Variants in SASH1 observed in about 807,000 individuals in gnomAD.
SASH1 encodes the protein SAM and SH3 domain containing 1, also known as SAM and SH3 domain-containing protein 1.
In SASH1, 44 loss-of-function variants were observed where a neutral mutation model predicts 125.2. That is an observed-to-expected ratio of 0.35 (90% CI 0.28 to 0.45). The LOEUF (loss-of-function observed/expected upper bound fraction) is 0.45. Among genes scored for constraint, SASH1 ranks in the 20% least tolerant of loss-of-function variants. The pLI is 1.00. For synonymous variants in SASH1, 639 were observed against 649.1 expected (o/e 0.98, Z 0.24); for missense variants, 1,426 against 1,614.5 (o/e 0.88, Z 2.00).
intron 4 of SASH1, among the ~76,000 whole-genome samples, chr6:148,449,084 T>TTTTTTTTTTTTC (rs1776961479): frequency 2.3e-5 from 1 of 42,736 alleles, no homozygotes; most frequent in African/African-American, 1.2e-4. Flanking sequence ...ATTTCTTTTT[T>TTTTTTTTTTTTC]TTTTTTTTTG....
At chr6:148,221,985 C>T in the SASH1 span, among the ~76,000 whole-genome samples, 1 of 152,118 alleles carries the variant, frequency 6.6e-6, no homozygotes, top group Non-Finnish European at 1.5e-5. Flanking sequence ...TTTTCACTAC[C>T]CATAAAATAA....
At chr6:148,425,348 T>A (rs1775768418) in intron 2 of SASH1, among the ~76,000 whole-genome samples, 1 of 152,212 alleles carries the variant, frequency 6.6e-6, no homozygotes, top group Non-Finnish European at 1.5e-5. Context: ...TGCTTTTACA[T>A]TCTTGAAATA....
chr6:148,366,553 T>A (rs1055699754), intron 1 of SASH1, among the ~76,000 whole-genome samples: 3 of 152,096 alleles, frequency 2.0e-5, no homozygotes, highest in Non-Finnish European at 4.4e-5. Context: ...GGGCCTGAAT[T>A]TTGTCATTTG....
intron 1 of SASH1, among the ~76,000 whole-genome samples, chr6:148,292,458 T>C (rs1027750645): frequency 2.0e-5 from 3 of 152,122 alleles, no homozygotes; most frequent in Non-Finnish European, 4.4e-5. Context: ...TTATTACAGA[T>C]ATTAGCAACA....
the SASH1 span, among the ~76,000 whole-genome samples, chr6:148,236,459 G>A: frequency 6.6e-6 from 1 of 152,090 alleles, no homozygotes; most frequent in African/African-American, 2.4e-5. Context: ...TGATCCACCT[G>A]TCTCAGCCTC....
At chr6:148,368,715 T>A (rs1435192680) in intron 1 of SASH1, among the ~76,000 whole-genome samples, 2 of 131,596 alleles carry the variant, frequency 1.5e-5, no homozygotes, top group Non-Finnish European at 3.4e-5. Flanking sequence ...TAAATGGAAA[T>A]TTTCCCCTTA....
upstream of SASH1, among the ~76,000 whole-genome samples, chr6:148,338,253 C>G (rs1021155533): frequency 1.4e-4 from 21 of 151,976 alleles, no homozygotes; most frequent in African/African-American, 5.1e-4. Context: ...ATGGTGAAAT[C>G]CCGTCTCTAC....
At chr6:148,458,598 A>G (rs910716793) in intron 4 of SASH1, among the ~76,000 whole-genome samples, 1 of 152,222 alleles carries the variant, frequency 6.6e-6, no homozygotes, top group African/African-American at 2.4e-5. Flanking sequence ...TATACCAAGC[A>G]AACAATAAAT....
chr6:148,337,223 ATTTT>A (rs10659889), intron 1 of SASH1, among the ~76,000 whole-genome samples: 1 of 124,572 alleles, frequency 8.0e-6, no homozygotes, highest in African/African-American at 3.1e-5. Flanking sequence ...CATCCAGCTA[ATTTT>A]TTTTTTTTTT....
chr6:148,497,392 A>G (rs757113872), intron 8 of SASH1, among the ~76,000 whole-genome samples: 3 of 152,224 alleles, frequency 2.0e-5, no homozygotes, highest in Non-Finnish European at 4.4e-5. Flanking sequence ...ACAAAGTTAC[A>G]CAAGAAGGAA....
At chr6:148,319,184 C>A (rs550080412) in intron 1 of SASH1, among the ~76,000 whole-genome samples, 1 of 151,868 alleles carries the variant, frequency 6.6e-6, no homozygotes, top group East Asian at 2.0e-4. Context: ...AGGCGCCCAC[C>A]ACCACGTCCG....
intron 2 of SASH1, among the ~76,000 whole-genome samples, chr6:148,392,816 G>T (rs1017848213): frequency 1.3e-5 from 2 of 152,188 alleles, no homozygotes; most frequent in African/African-American, 2.4e-5. Flanking sequence ...GTGTTGTCAA[G>T]GGCTTCTTTC....
intron 12 of SASH1, among the ~76,000 whole-genome samples, chr6:148,528,078 C>T (rs960998308): frequency 3.3e-5 from 5 of 151,374 alleles, no homozygotes; most frequent in African/African-American, 1.2e-4. Context: ...CAAAGTTCTT[C>T]CTGGGTACCA....
chr6:148,421,906 A>G (rs1165779635), intron 2 of SASH1, among the ~76,000 whole-genome samples: 1 of 152,140 alleles, frequency 6.6e-6, no homozygotes, highest in East Asian at 1.9e-4. Context: ...ATTTAAAGTA[A>G]TGTCTTTCTT....
chr6:148,290,838 C>A (rs1449126036), intron 1 of SASH1, among the ~76,000 whole-genome samples: 3 of 146,894 alleles, frequency 2.0e-5, no homozygotes, highest in Non-Finnish European at 4.5e-5. Context: ...CCAAATCCCC[C>A]TCTCCGAGAA....
chr6:148,260,215 C>A, the SASH1 span, among the ~76,000 whole-genome samples: 1 of 152,066 alleles, frequency 6.6e-6, no homozygotes, highest in East Asian at 1.9e-4. Flanking sequence ...TCAGAGGATA[C>A]CATTTTCATA....
At chr6:148,296,880 T>C (rs984287333) in intron 1 of SASH1, among the ~76,000 whole-genome samples, 2 of 152,198 alleles carry the variant, frequency 1.3e-5, no homozygotes, top group African/African-American at 4.8e-5. Context: ...GTTTAAAGGA[T>C]TTGGGGAATT....
chr6:148,322,560 A>T lies in SASH1; in HGVS notation n.74+50183A>T, dbSNP rs138018716. ...GTTTCTACTCCTTCCCCTGACCCTG[A>T]AATTGCAGAGGCTGGGTAGGGTTAC... On this transcript the variant is annotated intron_variant and non_coding_transcript_variant, in intron 1 of 3. Coordinates refer to the SASH1 transcript ENST00000367469. 1.3e-4 allele frequency among the ~76,000 whole-genome samples: 20 copies of T among 152,218 alleles called. No individual in the cohort carries two copies. In the East Asian group the frequency reaches 3.9e-3, roughly 29 times the overall value.
chr6:148,215,500 C>A, the SASH1 span, among the ~76,000 whole-genome samples: 1 of 152,130 alleles, frequency 6.6e-6, no homozygotes, highest in African/African-American at 2.4e-5. Flanking sequence ...CTCTGGGCTT[C>A]TTCTGTTTGG....
Sources: allele counts gnomAD v4.1 joint callset (sites outside exome capture counted in the v4.1 genomes callset), GRCh38; gene constraint gnomAD v4.1.1; transcripts MANE v1.5; gene names NCBI Gene and HGNC (gene_info 2026-07-23, HGNC 2026-07-21).